The following ANKS1B variants were observed in gnomAD, a reference collection of about 807,000 sequenced individuals.
ANKS1B encodes ankyrin repeat and sterile alpha motif domain containing 1B, also known as ankyrin repeat and sterile alpha motif domain-containing protein 1B.
Under a neutral mutation model 148.3 loss-of-function variants are expected in ANKS1B, and 36 were observed. That is an observed-to-expected ratio of 0.24 (90% CI 0.19 to 0.32). The LOEUF (loss-of-function observed/expected upper bound fraction) is 0.32, where lower values mean the gene tolerates loss of function less well. Among genes scored for constraint, ANKS1B ranks in the 10% least tolerant of loss-of-function variants. ANKS1B has a pLI of 1.00. For synonymous variants in ANKS1B, 542 were observed against 560.8 expected (o/e 0.97, Z 0.47); for missense variants, 1,157 against 1,542.6 (o/e 0.75, Z 4.19).
intron 15 of ANKS1B, among the ~76,000 whole-genome samples, chr12:99,143,847 C>T (rs57623194): frequency 0.07 from 10,603 of 152,054 alleles, 1,139 homozygotes; most frequent in African/African-American, 0.23. Context: ...AAGGAATGCT[C>T]ACGCTACTTT....
At chr12:99,006,678 G>A (rs2099936327) in intron 17 of ANKS1B, among the ~76,000 whole-genome samples, 1 of 152,156 alleles carries the variant, frequency 6.6e-6, no homozygotes, top group African/African-American at 2.4e-5. Flanking sequence ...AAAGGCTAAG[G>A]ATGTCAAATT....
intron 1 of ANKS1B, among the ~76,000 whole-genome samples, chr12:99,936,390 T>C (rs888801965): frequency 6.6e-6 from 1 of 152,172 alleles, no homozygotes; most frequent in Admixed American, 6.5e-5. Flanking sequence ...CTCACACCTG[T>C]AATCCCAGCA....
At chr12:98,894,304 T>C (rs2099758874) in intron 17 of ANKS1B, among the ~76,000 whole-genome samples, 1 of 151,720 alleles carries the variant, frequency 6.6e-6, no homozygotes, top group Admixed American at 6.6e-5. Context: ...AGTCAAACCA[T>C]TTGGAGAGAC....
At chr12:99,468,832 A>T (rs1567164322) in intron 10 of ANKS1B, among the ~76,000 whole-genome samples, 1 of 152,130 alleles carries the variant, frequency 6.6e-6, no homozygotes, top group Non-Finnish European at 1.5e-5. Flanking sequence ...ACACTTTTAC[A>T]CTGTTGGTGG....
intron 17 of ANKS1B, among the ~76,000 whole-genome samples, chr12:98,947,936 C>T (rs1236073064): frequency 2.0e-5 from 3 of 152,060 alleles, no homozygotes; most frequent in Non-Finnish European, 2.9e-5. Flanking sequence ...TGTCACTTAC[C>T]AACCGGTGTG....
At chr12:99,311,494 T>G (rs891269696) in intron 12 of ANKS1B, among the ~76,000 whole-genome samples, 1 of 151,976 alleles carries the variant, frequency 6.6e-6, no homozygotes, top group Non-Finnish European at 1.5e-5. Flanking sequence ...TGAAGAGAGA[T>G]TGATGAAACA....
At chr12:99,498,036 T>C (rs139518710) in intron 10 of ANKS1B, among the ~76,000 whole-genome samples, 14 of 152,312 alleles carry the variant, frequency 9.2e-5, no homozygotes, top group East Asian at 3.9e-4. Context: ...AGTGTCAGCA[T>C]TCTCAAGATG....
rs116631849 is a variant in ANKS1B at position 99,065,590 on chromosome 12, T to C, written c.2626-12281A>G. On this transcript the variant is annotated intron_variant, in intron 16 of 26. Transcript: ENST00000683438. ...AATGAGGACCTACCATCCATTCCAT[T>C]CATCCATCCATCCATCCATCCATCC... 5.4e-3 allele frequency among the ~76,000 whole-genome samples: 361 copies of C among 67,420 alleles called. 1 individual carries two copies. Among genetic ancestry groups the C allele is most frequent in the African/African-American group, 0.011 (310 of 28,300 alleles). The allele number at this position is 67,420 out of a possible 152,430, so 44.2% of individuals were successfully genotyped here.
chr12:99,221,422 A>G (rs1045575022), intron 14 of ANKS1B, among the ~76,000 whole-genome samples: 1 of 152,182 alleles, frequency 6.6e-6, no homozygotes, highest in Non-Finnish European at 1.5e-5. Flanking sequence ...CTGAGGAAAG[A>G]TAATTACAAC....
chr12:98,837,911 T>C (rs996123453), intron 17 of ANKS1B, among the ~76,000 whole-genome samples: 4 of 152,182 alleles, frequency 2.6e-5, no homozygotes, highest in African/African-American at 7.2e-5. Context: ...TGCTTTCCCA[T>C]TTTAGACACT....
At chr12:99,798,512 A>G (rs2066541831) in intron 4 of ANKS1B, among the ~76,000 whole-genome samples, 4 of 151,948 alleles carry the variant, frequency 2.6e-5, no homozygotes, top group Admixed American at 6.6e-5. Flanking sequence ...GGAAGGCAGC[A>G]GCTCTTTTGC....
At chr12:99,257,016 G>A (rs1435303971) in intron 12 of ANKS1B, among the ~76,000 whole-genome samples, 2 of 152,072 alleles carry the variant, frequency 1.3e-5, no homozygotes, top group Non-Finnish European at 2.9e-5. Context: ...AGGCTGAGAC[G>A]GGTGGATCAC....
chr12:98,882,680 T>C (rs1179970588), intron 17 of ANKS1B, among the ~76,000 whole-genome samples: 1 of 152,074 alleles, frequency 6.6e-6, no homozygotes, highest in East Asian at 1.9e-4. Context: ...AAAAATCATC[T>C]GCTGCATGTT....
intron 12 of ANKS1B, among the ~76,000 whole-genome samples, chr12:99,256,315 C>T (rs2075267220): frequency 6.6e-6 from 1 of 151,610 alleles, no homozygotes; most frequent in Non-Finnish European, 1.5e-5. Context: ...CACTTCCTTC[C>T]TAAACAATTT....
intron 12 of ANKS1B, among the ~76,000 whole-genome samples, chr12:99,291,362 T>C (rs927590802): frequency 6.6e-6 from 1 of 152,024 alleles, no homozygotes; most frequent in Non-Finnish European, 1.5e-5. Context: ...CAAATATCAA[T>C]GACATTCTTT....
In ANKS1B at chr12:99,953,161, C is replaced by A. The variant is rs140812117; in HGVS notation, c.134+30943G>T. 3.2e-4 allele frequency among the ~76,000 whole-genome samples: 48 copies of A among 152,014 alleles called. 1 individual carries two copies. Among genetic ancestry groups the A allele is most frequent in the African/African-American group, 1.1e-3 (45 of 41,462 alleles). On this transcript the variant is annotated intron_variant, in intron 1 of 26. Coordinates refer to ENST00000683438, the MANE Select transcript of ANKS1B (RefSeq NM_001352186.2). ...AATAAAGACAAAATATCCAATGATA[C>A]AATATTTAGAAATGCCTAAGCTAGG...
intron 17 of ANKS1B, among the ~76,000 whole-genome samples, chr12:98,958,238 T>C (rs562033756): frequency 1.3e-4 from 20 of 152,340 alleles, no homozygotes; most frequent in African/African-American, 3.4e-4. Flanking sequence ...GAAAGCTCCA[T>C]TGGGGAATAA....
chr12:99,655,473 T>C (rs1345894418), intron 8 of ANKS1B, among the ~76,000 whole-genome samples: 3 of 152,144 alleles, frequency 2.0e-5, no homozygotes, highest in Non-Finnish European at 4.4e-5. Flanking sequence ...GATAATGGCC[T>C]AATAAAATAT....
chr12:98,989,167 TA>T (rs898970347), intron 17 of ANKS1B, among the ~76,000 whole-genome samples: 1 of 151,970 alleles, frequency 6.6e-6, no homozygotes, highest in African/African-American at 2.4e-5. Flanking sequence ...TGGTTCATGT[TA>T]AAAAAAATAA....
Sources: gnomAD v4.1 joint callset for allele counts (sites outside exome capture counted in the v4.1 genomes callset) on GRCh38, gnomAD v4.1.1 for gene constraint, MANE v1.5 for transcripts, NCBI Gene and HGNC (gene_info 2026-07-23, HGNC 2026-07-21) for gene names.